RPS6KC1: variants seen among roughly 807,000 people sequenced by gnomAD.
The protein encoded by RPS6KC1 is ribosomal protein S6 kinase C1.
A neutral mutation model predicts 103.8 loss-of-function variants in RPS6KC1; 54 were observed. The ratio of observed to expected loss-of-function variants is 0.52; its 90% CI spans 0.42 to 0.65. The LOEUF (loss-of-function observed/expected upper bound fraction) is 0.65. Among genes scored for constraint, RPS6KC1 ranks in the 30% least tolerant of loss-of-function variants. The pLI, the probability that RPS6KC1 is intolerant of heterozygous loss-of-function variation, is 0.00. For missense variants in RPS6KC1, 1,151 were observed against 1,253.8 expected (o/e 0.92, Z 1.24); for synonymous variants, 439 against 438.7 (o/e 1.00, Z -0.01).
At chr1:213,517,821 C>T in the RPS6KC1 span, among the ~76,000 whole-genome samples, 1 of 152,166 alleles carries the variant, frequency 6.6e-6, no homozygotes, top group Admixed American at 6.5e-5. Context: ...CTAATGTTGA[C>T]AGTGGGGTAT....
chr1:213,182,008 G>T lies in RPS6KC1; in HGVS notation c.1044+5516G>T, dbSNP rs1042381342. ...AAAAATTCTAACACTCTCTGATGTA[G>T]TTCTAAGTTTATGCAGAGAAAATAT... is the stretch of plus-strand genomic sequence containing the variant. On this transcript the variant is annotated intron_variant, in intron 8 of 14. Coordinates refer to ENST00000366960, the MANE Select transcript of RPS6KC1 (RefSeq NM_012424.6). Among the ~76,000 whole-genome samples, 17 of 152,302 alleles carry T rather than the reference G, an allele frequency of 1.1e-4. 2 individuals carry two copies. The highest frequency in any genetic ancestry group is 1.1e-3 in the Admixed American group (17 of 15,300).
At chr1:213,228,959 C>T (rs1460746860) in intron 8 of RPS6KC1, among the ~76,000 whole-genome samples, 1 of 152,024 alleles carries the variant, frequency 6.6e-6, no homozygotes, top group East Asian at 1.9e-4. Context: ...ATTGTTGAAT[C>T]CTGGATCAGT....
At chr1:213,341,389 T>C in the RPS6KC1 span, among the ~76,000 whole-genome samples, 1 of 152,174 alleles carries the variant, frequency 6.6e-6, no homozygotes, top group Non-Finnish European at 1.5e-5. Flanking sequence ...ACTTATAAAA[T>C]TCCCAGGCAA....
the RPS6KC1 span, among the ~76,000 whole-genome samples, chr1:213,795,845 TTCTC>T: frequency 3.3e-5 from 5 of 152,242 alleles, no homozygotes; most frequent in Non-Finnish European, 4.4e-5. Context: ...GCTTCTCTCG[TTCTC>T]TCTCAGTTCT....
the RPS6KC1 span, among the ~76,000 whole-genome samples, chr1:213,360,450 C>T: frequency 6.6e-6 from 1 of 152,140 alleles, no homozygotes; most frequent in Non-Finnish European, 1.5e-5. Flanking sequence ...TTCTAGTTAG[C>T]CATTAGTCTA....
At chr1:213,686,559 T>G in the RPS6KC1 span, among the ~76,000 whole-genome samples, 1 of 152,208 alleles carries the variant, frequency 6.6e-6, no homozygotes, top group Non-Finnish European at 1.5e-5. Flanking sequence ...ATGCTACTAA[T>G]TTTTGAGCAC....
the RPS6KC1 span, among the ~76,000 whole-genome samples, chr1:213,322,238 G>A: frequency 3.9e-4 from 60 of 152,262 alleles, no homozygotes; most frequent in East Asian, 4.5e-3. Flanking sequence ...CCTGGGAGGC[G>A]GAGGTTGCAG....
At chr1:213,106,427 T>G (rs2082506723) in intron 4 of RPS6KC1, among the ~76,000 whole-genome samples, 2 of 152,152 alleles carry the variant, frequency 1.3e-5, no homozygotes, top group Non-Finnish European at 2.9e-5. Context: ...CATGGCAGTT[T>G]TTAAAAGCTT....
At chr1:213,619,761 C>A in the RPS6KC1 span, among the ~76,000 whole-genome samples, 4 of 152,062 alleles carry the variant, frequency 2.6e-5, no homozygotes, top group South Asian at 8.3e-4. Context: ...TGCTTTTTTG[C>A]AAAATGTCCA....
chr1:213,083,022 A>T (rs2080044575), intron 3 of RPS6KC1, among the ~76,000 whole-genome samples: 3 of 152,170 alleles, frequency 2.0e-5, no homozygotes, highest in Admixed American at 2.0e-4. Context: ...TTAACTTGAG[A>T]TTTGTGGCTA....
chr1:213,410,582 TG>T, the RPS6KC1 span, among the ~76,000 whole-genome samples: 3 of 152,100 alleles, frequency 2.0e-5, no homozygotes, highest in Admixed American at 2.0e-4. Flanking sequence ...CACAGATTCA[TG>T]GGGAGTCCAG....
the RPS6KC1 span, among the ~76,000 whole-genome samples, chr1:213,343,141 T>A: frequency 6.6e-6 from 1 of 151,086 alleles, no homozygotes; most frequent in African/African-American, 2.4e-5. Flanking sequence ...ATTTTTAGAA[T>A]TGAAAAAAAT....
At chr1:213,541,563 C>T in the RPS6KC1 span, among the ~76,000 whole-genome samples, 1 of 152,070 alleles carries the variant, frequency 6.6e-6, no homozygotes, top group Non-Finnish European at 1.5e-5. Context: ...ATCCATAATG[C>T]TTACTGATTA....
At chr1:213,403,350 C>G in the RPS6KC1 span, among the ~76,000 whole-genome samples, 1 of 151,946 alleles carries the variant, frequency 6.6e-6, no homozygotes, top group African/African-American at 2.4e-5. Flanking sequence ...GCTCTCTCCC[C>G]GAGGGGTGCC....
chr1:213,267,759 T>C (rs930607183), intron 14 of RPS6KC1, among the ~76,000 whole-genome samples: 35 of 152,022 alleles, frequency 2.3e-4, no homozygotes, highest in African/African-American at 8.4e-4. Context: ...AAGTCACAAG[T>C]TGAATAATAC....
At chr1:213,457,752 T>G in the RPS6KC1 span, among the ~76,000 whole-genome samples, 6 of 152,172 alleles carry the variant, frequency 3.9e-5, no homozygotes, top group Non-Finnish European at 7.3e-5. Flanking sequence ...AACAATTGGA[T>G]CAATAACTTA....
the RPS6KC1 span, among the ~76,000 whole-genome samples, chr1:213,693,358 C>T: frequency 6.6e-6 from 1 of 152,216 alleles, no homozygotes; most frequent in Non-Finnish European, 1.5e-5. Flanking sequence ...CTATGGCTCA[C>T]CCTGTGTGCC....
intron 3 of RPS6KC1, 38 bp from the exon 4 acceptor site, chr1:213,104,416 C>T (rs1044303129): frequency 7.6e-7 from 1 of 1,322,224 alleles, no homozygotes. Flanking sequence ...AGTGTTTGAT[C>T]ATTCTTCCCT....
At chr1:213,159,738 A>G (rs1364706602) in intron 6 of RPS6KC1, among the ~76,000 whole-genome samples, 2 of 152,224 alleles carry the variant, frequency 1.3e-5, no homozygotes, top group Non-Finnish European at 2.9e-5. Context: ...AAGCAGAGAG[A>G]TAGATGAGGA....
Sources: gnomAD v4.1 joint callset for allele counts (sites outside exome capture counted in the v4.1 genomes callset) on GRCh38, gnomAD v4.1.1 for gene constraint, MANE v1.5 for transcripts, NCBI Gene and HGNC (gene_info 2026-07-23, HGNC 2026-07-21) for gene names.